The following RBFOX1 variants were observed in gnomAD, a reference collection of about 807,000 sequenced individuals.
RBFOX1 encodes RNA binding protein fox-1 homolog 1.
RBFOX1 carries 8 observed loss-of-function variants against 57.7 expected under a neutral mutation model. The ratio of observed to expected loss-of-function variants is 0.14; its 90% confidence interval spans 0.08 to 0.25. The LOEUF is 0.25. Among genes scored for constraint, RBFOX1 ranks in the 10% least tolerant of loss-of-function variants. RBFOX1 has a pLI of 1.00. For missense variants in RBFOX1, 611 were observed against 548.5 expected, an observed-to-expected ratio of 1.11 and a Z score of -1.14; for synonymous variants, 326 against 222.4, an observed-to-expected ratio of 1.47 and a Z score of -4.15.
chr16:7,634,288 G>A (rs2061421125), intron 11 of RBFOX1, among the ~76,000 whole-genome samples: 1 of 152,032 alleles, frequency 6.6e-6, no homozygotes. Flanking sequence ...TTGTATGTTG[G>A]ATCCTATGTG....
At chr16:5,811,399 T>C (rs920085994) in intron 3 of RBFOX1, among the ~76,000 whole-genome samples, 17 of 151,856 alleles carry the variant, frequency 1.1e-4, no homozygotes, top group Non-Finnish European at 2.2e-4. Context: ...TGCCTCGGCC[T>C]CTCAAAGTGC....
At chr16:7,313,366 G>C (rs949712083) in intron 4 of RBFOX1, among the ~76,000 whole-genome samples, 10 of 152,106 alleles carry the variant, frequency 6.6e-5, no homozygotes, top group Non-Finnish European at 1.5e-4. Context: ...TGGTGCAGTG[G>C]CAGAACCTTC....
intron 13 of RBFOX1, among the ~76,000 whole-genome samples, chr16:7,668,413 T>C (rs1029860150): frequency 1.1e-4 from 17 of 152,124 alleles, no homozygotes; most frequent in African/African-American, 4.1e-4. Flanking sequence ...AGTAGACTTG[T>C]TATGAAATGC....
At chr16:5,625,074 A>C (rs759191533) in intron 3 of RBFOX1, among the ~76,000 whole-genome samples, 1 of 152,180 alleles carries the variant, frequency 6.6e-6, no homozygotes, top group Non-Finnish European at 1.5e-5. Flanking sequence ...GGATTCAGGG[A>C]CATTGCACAG....
At chr16:7,559,713 G>A (rs540670287) in intron 5 of RBFOX1, among the ~76,000 whole-genome samples, 2 of 152,312 alleles carry the variant, frequency 1.3e-5, no homozygotes, top group African/African-American at 2.4e-5. Flanking sequence ...AGTGCCAGAA[G>A]CCAGAGTAAG....
chr16:7,660,916 G>C (rs2067560744), intron 12 of RBFOX1, among the ~76,000 whole-genome samples: 1 of 152,174 alleles, frequency 6.6e-6, no homozygotes, highest in Non-Finnish European at 1.5e-5. Context: ...TCCCAGTTCA[G>C]ACAATACCCA....
chr16:7,268,505 C>A (rs976142491), intron 4 of RBFOX1, among the ~76,000 whole-genome samples: 2 of 152,192 alleles, frequency 1.3e-5, no homozygotes, highest in African/African-American at 4.8e-5. Flanking sequence ...CAAAGATGCT[C>A]TGCGGTAATA....
intron 4 of RBFOX1, among the ~76,000 whole-genome samples, chr16:7,318,702 C>T (rs1157439793): frequency 6.6e-6 from 1 of 152,132 alleles, no homozygotes; most frequent in African/African-American, 2.4e-5. Flanking sequence ...CTAGTGGCTT[C>T]TGGACTTCTG....
chr16:6,527,109 T>A (rs1468753769), intron 2 of RBFOX1, among the ~76,000 whole-genome samples: 3 of 152,152 alleles, frequency 2.0e-5, no homozygotes, highest in Non-Finnish European at 4.4e-5. Context: ...CTTTTTAAAT[T>A]ATTTTATTTA....
At chr16:5,567,923 C>T (rs2046131335) in intron 2 of RBFOX1, among the ~76,000 whole-genome samples, 1 of 152,306 alleles carries the variant, frequency 6.6e-6, no homozygotes, top group African/African-American at 2.4e-5. Flanking sequence ...AGGTAAGTAA[C>T]TGGCTCAAAA....
In RBFOX1 at chr16:7,395,088, A is replaced by AT. The variant is rs201886697; in HGVS notation, c.28-123050dup. ...TAGAGCCATTTGTTGATTCAAACCA[A>AT]TTTTTTTTTCTCTTGAGTTAGTATC... On this transcript the variant is annotated intron_variant, in intron 4 of 15. Coordinates refer to ENST00000550418, the MANE Select transcript of RBFOX1 (RefSeq NM_018723.4). Among the ~76,000 whole-genome samples, 1,086 of 151,336 alleles carry AT rather than the reference A, an allele frequency of 7.2e-3. 13 individuals are homozygous for AT. The highest frequency in any genetic ancestry group is 0.024 in the African/African-American group (981 of 41,222).
At chr16:5,958,945 C>G (rs1012028761) in intron 4 of RBFOX1, among the ~76,000 whole-genome samples, 1 of 152,200 alleles carries the variant, frequency 6.6e-6, no homozygotes, top group Non-Finnish European at 1.5e-5. Context: ...CAACCTAAAT[C>G]ACATCTGCAG....
chr16:6,255,299 A>G (rs1378485323), intron 1 of RBFOX1, among the ~76,000 whole-genome samples: 1 of 152,196 alleles, frequency 6.6e-6, no homozygotes. Flanking sequence ...GGTAGTTGAG[A>G]TGCAGCAGTA....
At chr16:6,861,487 TC>T (rs34048714) in intron 3 of RBFOX1, among the ~76,000 whole-genome samples, 43 of 133,890 alleles carry the variant, frequency 3.2e-4, no homozygotes, top group African/African-American at 1.0e-3. Context: ...CCCAACCCCC[TC>T]CCCCCCCGAC....
intron 2 of RBFOX1, among the ~76,000 whole-genome samples, chr16:6,370,479 G>T (rs954933063): frequency 1.3e-5 from 2 of 151,110 alleles, no homozygotes; most frequent in East Asian, 3.9e-4. Context: ...AGTTGTTTCA[G>T]CTGCTACAAA....
chr16:6,629,944 G>A (rs1375825004), intron 2 of RBFOX1, among the ~76,000 whole-genome samples: 1 of 143,172 alleles, frequency 7.0e-6, no homozygotes, highest in Non-Finnish European at 1.5e-5. Context: ...TTTACATTTG[G>A]CCTTATTTCG....
chr16:7,149,621 G>C (rs2075736035), intron 4 of RBFOX1, among the ~76,000 whole-genome samples: 2 of 151,402 alleles, frequency 1.3e-5, no homozygotes. Flanking sequence ...GAGTAGCTGG[G>C]ATTACAGGTG....
At chr16:5,729,639 A>G (rs2052289097) in intron 3 of RBFOX1, among the ~76,000 whole-genome samples, 1 of 152,044 alleles carries the variant, frequency 6.6e-6, no homozygotes, top group South Asian at 2.1e-4. Context: ...TCTTCCACTA[A>G]AGGTCTCAAG....
intron 2 of RBFOX1, among the ~76,000 whole-genome samples, chr16:5,472,947 C>T (rs66743693): frequency 0.04 from 6,078 of 152,202 alleles, 253 homozygotes; most frequent in East Asian, 0.17. Context: ...CAAGGCTTCC[C>T]GTTGTTATCA....
Sources: gnomAD v4.1 joint callset for allele counts (sites outside exome capture counted in the v4.1 genomes callset) on GRCh38, gnomAD v4.1.1 for gene constraint, MANE v1.5 for transcripts, NCBI Gene and HGNC (gene_info 2026-07-23, HGNC 2026-07-21) for gene names.